Variants in RANBP2 observed in about 807,000 individuals in gnomAD.
RANBP2 encodes the protein E3 SUMO-protein ligase RanBP2.
A neutral mutation model predicts 303.6 loss-of-function variants in RANBP2; 57 were observed. The ratio of observed to expected loss-of-function variants is 0.19; its 90% CI spans 0.15 to 0.23. The LOEUF (loss-of-function observed/expected upper bound fraction) is 0.23. RANBP2 is among the 10% of genes least tolerant of loss of function. The probability of loss-of-function intolerance (pLI) is 1.00; values close to 1 mark genes in which losing one functional copy is unlikely to be tolerated. For missense variants in RANBP2, 3,138 were observed against 3,780.8 expected (o/e 0.83, Z 4.46); for synonymous variants, 1,167 against 1,301.5 (o/e 0.90, Z 2.23).
chr2:109,698,681 C>T, the RANBP2 span, among the ~76,000 whole-genome samples: 1 of 151,080 alleles, frequency 6.6e-6, no homozygotes, highest in African/African-American at 2.4e-5. Context: ...ACCTTCTTTG[C>T]ATGACAGCTT....
chr2:108,862,119 G>T, the RANBP2 span, among the ~76,000 whole-genome samples: 2 of 148,610 alleles, frequency 1.3e-5, no homozygotes, highest in African/African-American at 2.5e-5. Flanking sequence ...TGAGCATGTG[G>T]TCAGTCATAG....
the RANBP2 span, among the ~76,000 whole-genome samples, chr2:109,308,198 T>C: frequency 3.0e-5 from 4 of 132,162 alleles, no homozygotes; most frequent in Admixed American, 7.3e-5. Context: ...TTTTCATGTG[T>C]TTTTTGGCTG....
At chr2:109,014,730 G>A in the RANBP2 span, among the ~76,000 whole-genome samples, 9 of 152,310 alleles carry the variant, frequency 5.9e-5, no homozygotes, top group East Asian at 1.9e-4. Flanking sequence ...CGTGCAGGGC[G>A]CAGAGCCAGA....
chr2:109,118,287 G>A, the RANBP2 span, among the ~76,000 whole-genome samples: 4 of 151,994 alleles, frequency 2.6e-5, no homozygotes, highest in Admixed American at 2.6e-4. Context: ...CTGTGACAAA[G>A]CCATATAAAT....
At chr2:108,978,924 C>A in the RANBP2 span, among the ~76,000 whole-genome samples, 1 of 152,176 alleles carries the variant, frequency 6.6e-6, no homozygotes, top group African/African-American at 2.4e-5. Context: ...CAACGAAGAC[C>A]ATTTGAAAGC....
At chr2:109,125,217 G>A in the RANBP2 span, among the ~76,000 whole-genome samples, 4 of 152,082 alleles carry the variant, frequency 2.6e-5, no homozygotes, top group East Asian at 1.9e-4. Flanking sequence ...CTCTGCCCAC[G>A]TCCCTCCACC....
the RANBP2 span, among the ~76,000 whole-genome samples, chr2:109,209,668 A>G: frequency 6.6e-6 from 1 of 152,172 alleles, no homozygotes; most frequent in Non-Finnish European, 1.5e-5. Context: ...TCCTCTGGCA[A>G]GCAGGACCCA....
the RANBP2 span, among the ~76,000 whole-genome samples, chr2:109,528,520 G>T: frequency 6.6e-6 from 1 of 152,200 alleles, no homozygotes; most frequent in African/African-American, 2.4e-5. Context: ...GGACCCCGCT[G>T]GAAGGGATGG....
the RANBP2 span, chr2:109,616,283 G>A: frequency 3.5e-6 from 2 of 566,258 alleles, no homozygotes; most frequent in Non-Finnish European, 2.7e-6. Flanking sequence ...CCTCTTCTCT[G>A]CCCTCCACTT....
chr2:109,362,704 C>G, the RANBP2 span, among the ~76,000 whole-genome samples: 2 of 152,138 alleles, frequency 1.3e-5, no homozygotes, highest in Admixed American at 1.3e-4. Context: ...CTGGATTCAT[C>G]TACTTCTCCT....
the RANBP2 span, among the ~76,000 whole-genome samples, chr2:109,029,736 G>GC: frequency 6.6e-6 from 1 of 152,062 alleles, no homozygotes; most frequent in Non-Finnish European, 1.5e-5. Flanking sequence ...GCAGGACAGG[G>GC]CCCCCCGGCA....
chr2:109,016,952 G>A, the RANBP2 span, among the ~76,000 whole-genome samples: 1 of 152,196 alleles, frequency 6.6e-6, no homozygotes, highest in African/African-American at 2.4e-5. Flanking sequence ...GTGTGAAAGG[G>A]TAGGATGACT....
chr2:108,935,034 T>TTG, the RANBP2 span, among the ~76,000 whole-genome samples: 252 of 152,356 alleles, frequency 1.7e-3, 1 homozygote, highest in African/African-American at 5.9e-3. Context: ...AAGCGTCACC[T>TTG]GTTGGTTACC....
the RANBP2 span, among the ~76,000 whole-genome samples, chr2:109,595,490 G>C: frequency 6.6e-6 from 1 of 152,122 alleles, no homozygotes; most frequent in African/African-American, 2.4e-5. Context: ...CGTCCCTCTA[G>C]TCTGTAGGAC....
chr2:109,134,768 G>A, the RANBP2 span, among the ~76,000 whole-genome samples: 1 of 152,174 alleles, frequency 6.6e-6, no homozygotes, highest in Non-Finnish European at 1.5e-5. Context: ...AACATAAGCA[G>A]TGGCCACCCC....
the RANBP2 span, among the ~76,000 whole-genome samples, chr2:109,205,018 G>T: frequency 6.6e-6 from 1 of 152,094 alleles, no homozygotes; most frequent in Non-Finnish European, 1.5e-5. Context: ...GACCGGCCTG[G>T]TCAACATAGT....
the RANBP2 span, among the ~76,000 whole-genome samples, chr2:108,849,182 G>GA: frequency 2.6e-5 from 4 of 151,706 alleles, no homozygotes; most frequent in Non-Finnish European, 4.4e-5. Flanking sequence ...ATTACACAGA[G>GA]AAAAAAAATC....
At chr2:109,351,949 C>G in the RANBP2 span, among the ~76,000 whole-genome samples, 1 of 152,198 alleles carries the variant, frequency 6.6e-6, no homozygotes, top group Non-Finnish European at 1.5e-5. Flanking sequence ...GCATTAATTC[C>G]AAACTCTGCT....
At chr2:109,613,731 C>G in the RANBP2 span, 97 of 1,077,084 alleles carry the variant, frequency 9.0e-5, no homozygotes, top group Non-Finnish European at 1.0e-4. Flanking sequence ...GCCGGTGGGT[C>G]GAGGGCGGGA....
Sources: allele counts gnomAD v4.1 joint callset (sites outside exome capture counted in the v4.1 genomes callset), GRCh38; gene constraint gnomAD v4.1.1; transcripts MANE v1.5; gene names NCBI Gene and HGNC (gene_info 2026-07-23, HGNC 2026-07-21).